Variants in C6orf120 observed in about 807,000 individuals in gnomAD.
C6orf120 encodes the protein UPF0669 protein C6orf120.
For missense variants in C6orf120, 311 were observed against 264.2 expected, an observed-to-expected ratio of 1.18 and a Z score of -1.23; for synonymous variants, 165 against 123.1, an observed-to-expected ratio of 1.34 and a Z score of -2.25.
chr6:169,702,579 G>A, exon 1 of C6orf120: 1 of 1,613,120 alleles, frequency 6.2e-7, no homozygotes, highest in South Asian at 1.1e-5. Context: ...AGGAGTGGGT[G>A]CTCCTGCACG....
exon 1 of C6orf120, chr6:169,702,691 C>G (rs746132109): frequency 1.9e-6 from 3 of 1,613,490 alleles, no homozygotes; most frequent in Non-Finnish European, 2.5e-6. Context: ...AGATGCGGAT[C>G]TGTACGTCTC....
exon 1 of C6orf120, chr6:169,703,540 G>C (rs149834038): frequency 0.014 from 2,846 of 197,624 alleles, 43 homozygotes; most frequent in African/African-American, 0.041. Context: ...AGGATTTCCT[G>C]GCAGGCAGGT....
At chr6:169,702,322 A>G (rs918564647) in exon 1 of C6orf120, 1 of 644,486 alleles carries the variant, frequency 1.6e-6, no homozygotes, top group South Asian at 1.8e-5. Context: ...GGGAAGGGAC[A>G]GTCCCAGCGA....
downstream of C6orf120, chr6:169,705,728 GA>G: frequency 7.1e-7 from 1 of 1,403,854 alleles, no homozygotes; most frequent in Non-Finnish European, 1.0e-6. Flanking sequence ...CCTTTGGCTG[GA>G]AGGGTAGAAG....
downstream of C6orf120, chr6:169,705,233 A>G (rs746160971): frequency 2.5e-6 from 4 of 1,613,208 alleles, no homozygotes; most frequent in Admixed American, 1.7e-5. Flanking sequence ...GTCCACATAT[A>G]ATGCATGTTT....
chr6:169,703,343 A>G (rs530311501), exon 1 of C6orf120: 17 of 364,036 alleles, frequency 4.7e-5, no homozygotes, highest in Admixed American at 1.8e-4. Context: ...GCAACCTTTC[A>G]TGCTGTGACA....
exon 1 of C6orf120, chr6:169,703,949 T>G: frequency 7.4e-7 from 1 of 1,342,960 alleles, no homozygotes; most frequent in Non-Finnish European, 1.0e-6. Flanking sequence ...ATGTTGTAAA[T>G]GGCACCAAAT....
exon 1 of C6orf120, chr6:169,702,989 C>T: frequency 6.3e-7 from 1 of 1,587,200 alleles, no homozygotes; most frequent in South Asian, 1.1e-5. Context: ...GTTCTCTGGA[C>T]GATATTAATT....
exon 1 of C6orf120, chr6:169,702,471 C>T (rs1788365955): frequency 1.3e-6 from 2 of 1,557,270 alleles, no homozygotes; most frequent in African/African-American, 1.4e-5. Context: ...TGGCCGCTCC[C>T]CGCGGGAGGG....
At chr6:169,702,689 A>G (rs757370278) in exon 1 of C6orf120, 4 of 1,613,478 alleles carry the variant, frequency 2.5e-6, no homozygotes, top group East Asian at 2.2e-5. Context: ...GGAGATGCGG[A>G]TCTGTACGTC....
exon 1 of C6orf120, chr6:169,704,093 G>A: frequency 1.3e-6 from 2 of 1,571,340 alleles, no homozygotes; most frequent in Non-Finnish European, 1.7e-6. Context: ...AGCGACCTAG[G>A]AAAAAAATTG....
At chr6:169,704,230 T>C (rs1159882976) in exon 1 of C6orf120, 2 of 566,602 alleles carry the variant, frequency 3.5e-6, no homozygotes, top group African/African-American at 4.0e-5. Flanking sequence ...ATGAGTTCCT[T>C]AATTTAAGGA....
At chr6:169,702,620 A>G (rs1788405996) in exon 1 of C6orf120, 1 of 1,613,238 alleles carries the variant, frequency 6.2e-7, no homozygotes. Context: ...GCCGGGAACT[A>G]CAGCTACCTG....
exon 1 of C6orf120, chr6:169,702,397 A>C: frequency 9.8e-7 from 1 of 1,024,920 alleles, no homozygotes; most frequent in Non-Finnish European, 1.4e-6. Context: ...TCCGGTGCTG[A>C]GCGCCTCCGG....
chr6:169,703,456 G>A (rs374173056), exon 1 of C6orf120: 4 of 233,524 alleles, frequency 1.7e-5, no homozygotes, highest in African/African-American at 9.3e-5. Context: ...AATGATTTAC[G>A]TACACTTCCC....
Position 169,703,169 on chromosome 6 carries a change from G to A in C6orf120, c.*134G>A, listed in dbSNP as rs1364659562. 7 of 980,224 alleles carry A rather than the reference G, an allele frequency of 7.1e-6. No homozygotes were observed. In the East Asian group the frequency reaches 7.9e-5, roughly 11 times the overall value. 60.7% of individuals were successfully genotyped at this position (980,224 alleles called of 1,614,324 possible). A position where few individuals can be genotyped will look rare whatever the true frequency, so the allele number is the denominator to read the frequency against. On this transcript the variant is annotated 3_prime_UTR_variant, in exon 1 of 1. Coordinates refer to ENST00000332290, the Ensembl canonical transcript of C6orf120. Reference sequence around the variant, plus strand: ...AAGGGATGGAAAAATAAAGCCATACGCAGTTTTGTTACCTCAGTTACCCCA... The same window carrying A: ...AAGGGATGGAAAAATAAAGCCATACACAGTTTTGTTACCTCAGTTACCCCA...
At chr6:169,704,347 G>C (rs557762427) in exon 1 of C6orf120, 27 of 409,088 alleles carry the variant, frequency 6.6e-5, no homozygotes, top group African/African-American at 5.6e-4. Context: ...CTTTAAGAAA[G>C]TACAATCTTT....
At chr6:169,702,180 C>G (rs141767157), upstream of C6orf120, 23 of 658,366 alleles carry the variant, frequency 3.5e-5, no homozygotes, top group Non-Finnish European at 4.5e-5. Flanking sequence ...AAGCGCGGCC[C>G]CCTGCGGGGA....
chr6:169,702,483 C>G, exon 1 of C6orf120: 1 of 1,571,006 alleles, frequency 6.4e-7, no homozygotes, highest in Non-Finnish European at 8.6e-7. Context: ...GCGGGAGGGC[C>G]GCGCCCTGGA....
Sources: allele counts gnomAD v4.1 joint callset, GRCh38; gene constraint gnomAD v4.1.1; transcripts MANE v1.5; gene names NCBI Gene and HGNC (gene_info 2026-07-23, HGNC 2026-07-21).